The following CAPN13 variants were observed in gnomAD, a reference collection of about 807,000 sequenced individuals.
CAPN13 encodes calpain-13.
CAPN13 carries 90 observed loss-of-function variants against 98.4 expected under a neutral mutation model. The ratio of observed to expected loss-of-function variants is 0.92; its 90% CI spans 0.77 to 1.09. CAPN13 has a LOEUF of 1.09. Among genes scored for constraint, CAPN13 ranks in the 50% least tolerant of loss-of-function variants. CAPN13 has a pLI of 0.00. For synonymous variants in CAPN13, 330 were observed against 305.5 expected, an observed-to-expected ratio of 1.08 and a Z score of -0.84; for missense variants, 887 against 841.3, an observed-to-expected ratio of 1.05 and a Z score of -0.67.
In CAPN13 at chr2:30,725,694, C is replaced by A. The variant is rs1170164976; in HGVS notation, c.*31-2458G>T. Among the ~76,000 whole-genome samples, 3 of 152,088 alleles carry A rather than the reference C, an allele frequency of 2.0e-5. No individual in the cohort carries two copies. The East Asian group carries it at 5.8e-4, about 29-fold the overall frequency. On this transcript the variant is annotated intron_variant, in intron 22 of 22. Coordinates refer to ENST00000295055, the MANE Select transcript of CAPN13 (RefSeq NM_144575.3). ...CTTCTCTGGATCGAATCCTGGCTAA[C>A]GATAAAAGTCTCTTTGCTGACCTCA... is the stretch of plus-strand genomic sequence containing the variant.
At chr2:30,758,353 C>T (rs564065330) in intron 7 of CAPN13, among the ~76,000 whole-genome samples, 2 of 152,368 alleles carry the variant, frequency 1.3e-5, no homozygotes, top group Non-Finnish European at 2.9e-5. Context: ...GCCCCTCATT[C>T]CGCTCAGCCC....
chr2:30,797,457 A>G (rs1368780446), intron 1 of CAPN13, among the ~76,000 whole-genome samples: 3 of 152,278 alleles, frequency 2.0e-5, no homozygotes, highest in South Asian at 2.1e-4. Context: ...AATACTCTTA[A>G]TATCTCTGAG....
chr2:30,746,775 T>C (rs1671935879), intron 11 of CAPN13: 1 of 153,674 alleles, frequency 6.5e-6, no homozygotes, highest in Non-Finnish European at 1.5e-5. Flanking sequence ...TCATGCTCTG[T>C]GTGAGGTTGT....
In CAPN13 at chr2:30,751,636, C is replaced by G. The variant is rs191084242; in HGVS notation, c.1088-385G>C. On this transcript the variant is annotated intron_variant, in intron 10 of 22. Transcript: ENST00000295055. The stretch of plus-strand genomic sequence containing the variant: ...GCACAACTAGAGACAGGAAAACAGG[C>G]AGTGAGATGGCAATTACAGTACTCT... Among the ~76,000 whole-genome samples the G allele has an allele frequency of 4.4e-3, 667 of 152,268 alleles. 6 individuals are homozygous for G. Among genetic ancestry groups the G allele is most frequent in the African/African-American group, 0.015 (621 of 41,554 alleles).
chr2:30,805,046 C>T (rs1384510748), intron 1 of CAPN13, among the ~76,000 whole-genome samples: 1 of 152,200 alleles, frequency 6.6e-6, no homozygotes, highest in Non-Finnish European at 1.5e-5. Flanking sequence ...GGAAGTGGCT[C>T]TTCTGACCAC....
chr2:30,787,035 T>G, intron 2 of CAPN13, 93 bp downstream of exon 2: 1 of 899,108 alleles, frequency 1.1e-6, no homozygotes, highest in Non-Finnish European at 1.7e-6. Context: ...TCCTTCCAGT[T>G]TGGTTTGGCT....
Position 30,764,307 on chromosome 2 carries a change from C to G in CAPN13, c.525-1G>C, listed in dbSNP as rs1298187594. The G allele has an allele frequency of 6.2e-7, 1 of 1,613,276 alleles. No individual in the cohort carries two copies. The highest frequency in any genetic ancestry group is 1.7e-5 in the Admixed American group (1 of 59,986). ...CAGATCGGAATAGGATCCGAGCAGC[C>G]TGGGAGGGAATGGGGGATGAACCAT... On this transcript the variant is annotated splice_acceptor_variant, in intron 5 of 22. Transcript: ENST00000295055. LOFTEE classifies it high-confidence loss of function.
At chr2:30,766,644 C>G (rs1673126277) in intron 5 of CAPN13, among the ~76,000 whole-genome samples, 1 of 152,216 alleles carries the variant, frequency 6.6e-6, no homozygotes, top group African/African-American at 2.4e-5. Context: ...GTCCCCATCC[C>G]TCTGCTTCAG....
intron 3 of CAPN13, 64 bp from the exon 4 acceptor site, chr2:30,776,109 T>G: frequency 9.5e-7 from 1 of 1,054,398 alleles, no homozygotes; most frequent in South Asian, 1.5e-5. Flanking sequence ...CCCCATAATT[T>G]CAAAGGTCCT....
chr2:30,751,959 A>G (rs1050688958), intron 10 of CAPN13, among the ~76,000 whole-genome samples: 2 of 152,238 alleles, frequency 1.3e-5, no homozygotes, highest in Non-Finnish European at 2.9e-5. Flanking sequence ...CGTATTACTA[A>G]AAATGGCCCT....
chr2:30,750,848 C>T (rs1313514258), intron 11 of CAPN13, among the ~76,000 whole-genome samples: 1 of 152,226 alleles, frequency 6.6e-6, no homozygotes, highest in Non-Finnish European at 1.5e-5. Flanking sequence ...TTAGATTCTG[C>T]AGCATCCCAG....
Position 30,802,056 on chromosome 2 carries a change from G to A in CAPN13, c.-33+5246C>T, listed in dbSNP as rs143705885. ...GAGCCGGCTGATGGACCCCTGGCCC[G>A]GTTACCTGGGCATCCCAGTCTGTGC... On this transcript the variant is annotated intron_variant, in intron 1 of 22. Transcript: ENST00000295055. Among the ~76,000 whole-genome samples the A allele has an allele frequency of 3.6e-3, 542 of 152,268 alleles. 5 individuals are homozygous for A. The highest frequency in any genetic ancestry group is 0.012 in the African/African-American group (487 of 41,560).
Position 30,733,707 on chromosome 2 carries a change from G to T in CAPN13, c.1798+742C>A, listed in dbSNP as rs184636587. Among the ~76,000 whole-genome samples, 17 of 152,278 alleles carry T rather than the reference G, an allele frequency of 1.1e-4. No homozygotes were observed. In the East Asian group the frequency reaches 3.3e-3, roughly 29 times the overall value. On this transcript the variant is annotated intron_variant, in intron 19 of 22. Coordinates refer to ENST00000295055, the MANE Select transcript of CAPN13 (RefSeq NM_144575.3). Reference sequence around the variant, plus strand: ...GTGGGGGCAACGGTCTGATCTTTCTGCCCTGTCTCCAGGCCAGGATCCACA... The same window carrying T: ...GTGGGGGCAACGGTCTGATCTTTCTTCCCTGTCTCCAGGCCAGGATCCACA...
At chr2:30,772,399 A>G (rs1673456552) in intron 4 of CAPN13, among the ~76,000 whole-genome samples, 1 of 152,220 alleles carries the variant, frequency 6.6e-6, no homozygotes, top group Non-Finnish European at 1.5e-5. Flanking sequence ...GGAAATCTAC[A>G]GAGCTTAGTG....
chr2:30,778,704 C>A (rs965286643), intron 2 of CAPN13, among the ~76,000 whole-genome samples: 3 of 152,136 alleles, frequency 2.0e-5, no homozygotes, highest in African/African-American at 7.2e-5. Flanking sequence ...CGAAGGTGTG[C>A]CCGCCTGCAA....
intron 1 of CAPN13, among the ~76,000 whole-genome samples, chr2:30,798,087 G>A (rs377637263): frequency 1.5e-3 from 226 of 152,368 alleles, no homozygotes; most frequent in African/African-American, 5.3e-3. Context: ...TGATGGAAGT[G>A]TTCTATATCT....
chr2:30,762,326 T>C (rs1432372577), intron 7 of CAPN13, among the ~76,000 whole-genome samples: 1 of 152,222 alleles, frequency 6.6e-6, no homozygotes, highest in East Asian at 1.9e-4. Context: ...AGGAGCACGA[T>C]TGTCCTACAG....
intron 22 of CAPN13, among the ~76,000 whole-genome samples, chr2:30,726,802 A>G (rs915853743): frequency 2.6e-5 from 4 of 152,172 alleles, no homozygotes; most frequent in Admixed American, 2.6e-4. Context: ...TGACCTTTAG[A>G]TTTAATGTAA....
At chr2:30,765,182 G>A (rs529652491) in intron 5 of CAPN13, among the ~76,000 whole-genome samples, 66 of 152,350 alleles carry the variant, frequency 4.3e-4, no homozygotes, top group African/African-American at 1.5e-3. Context: ...TCATGCAGGG[G>A]CCGGACAGTT....
Sources: gnomAD v4.1 joint callset for allele counts (sites outside exome capture counted in the v4.1 genomes callset) on GRCh38, gnomAD v4.1.1 for gene constraint, MANE v1.5 for transcripts, NCBI Gene and HGNC (gene_info 2026-07-23, HGNC 2026-07-21) for gene names.